PDE10A: variants seen among roughly 807,000 people sequenced by gnomAD.
PDE10A encodes cAMP and cAMP-inhibited cGMP 3',5'-cyclic phosphodiesterase 10A.
PDE10A carries 39 observed loss-of-function variants against 97.7 expected under a neutral mutation model. That is an observed-to-expected ratio of 0.40 (90% CI 0.31 to 0.52). The LOEUF (loss-of-function observed/expected upper bound fraction) is 0.52. PDE10A is among the 20% of genes least tolerant of loss of function. PDE10A has a pLI of 0.56. For missense variants in PDE10A, 731 were observed against 1,047.8 expected, an observed-to-expected ratio of 0.70 and a Z score of 4.17; for synonymous variants, 371 against 376.8, an observed-to-expected ratio of 0.98 and a Z score of 0.18.
chr6:165,504,665 T>C (rs955539220), intron 2 of PDE10A, among the ~76,000 whole-genome samples: 13 of 152,254 alleles, frequency 8.5e-5, no homozygotes, highest in South Asian at 4.1e-4. Flanking sequence ...CCAAGTAAGA[T>C]TCATAAAATC....
chr6:165,416,266 T>C lies in PDE10A; in HGVS notation c.1812A>G (p.Lys604=), dbSNP rs138974958. The change falls in exon 12 of 22, where the codon AAA becomes AAG. Residue 604 remains lysine (K), a synonymous_variant. Transcript: ENST00000539869. Reference sequence around the variant, plus strand: ...TTCTTGCTACTTGGCCAGCAATTCCTTTCTCAATTGAAAATCTGCATATGT... The same window carrying C: ...TTCTTGCTACTTGGCCAGCAATTCCCTTCTCAATTGAAAATCTGCATATGT... ...KTKEIRFSIE[K]GIAGQVARTG... 43 of 1,611,398 alleles carry C rather than the reference T, an allele frequency of 2.7e-5. No individual in the cohort carries two copies. In the African/African-American group the frequency reaches 5.3e-4, roughly 20 times the overall value.
At chr6:165,891,264 G>A (rs1035825696) in intron 1 of PDE10A, among the ~76,000 whole-genome samples, 2 of 152,154 alleles carry the variant, frequency 1.3e-5, no homozygotes, top group African/African-American at 4.8e-5. Context: ...GGATTTGCTG[G>A]CTCATGTAAT....
At chr6:165,350,838 C>T (rs1382272464) in intron 18 of PDE10A, among the ~76,000 whole-genome samples, 1 of 152,142 alleles carries the variant, frequency 6.6e-6, no homozygotes, top group African/African-American at 2.4e-5. Context: ...CCTCCTACTG[C>T]CATGTGAAGA....
intron 1 of PDE10A, among the ~76,000 whole-genome samples, chr6:165,546,865 G>A (rs966343752): frequency 8.5e-5 from 13 of 152,080 alleles, no homozygotes; most frequent in Admixed American, 6.6e-4. Context: ...GGTAGATAAC[G>A]TATATCTCAT....
At chr6:165,462,799 G>A (rs1054203203) in intron 3 of PDE10A, among the ~76,000 whole-genome samples, 1 of 152,174 alleles carries the variant, frequency 6.6e-6, no homozygotes, top group African/African-American at 2.4e-5. Context: ...TTCAGCAAGG[G>A]CTGACACAGA....
chr6:165,640,109 T>A (rs536811010), intron 1 of PDE10A, among the ~76,000 whole-genome samples: 1 of 151,930 alleles, frequency 6.6e-6, no homozygotes, highest in East Asian at 1.9e-4. Flanking sequence ...TTGAATCGAC[T>A]AAAGGTCTTT....
chr6:165,701,361 CTGTT>C lies in PDE10A; in HGVS notation c.-614-157797_-614-157794del, dbSNP rs1195341667. On this transcript the variant is annotated intron_variant, in intron 1 of 19. Transcript: ENST00000366882. ...CCAATGACACAATTTGCCACTGTCACTGTTCTTTATGATTTTTCAAGAGAATGCT... is the reference window on the plus strand; with the variant it reads ...CCAATGACACAATTTGCCACTGTCACCTTTATGATTTTTCAAGAGAATGCT... Among the ~76,000 whole-genome samples, 545 of 152,318 alleles carry C rather than the reference CTGTT, an allele frequency of 3.6e-3. 2 individuals carry two copies. Among genetic ancestry groups the C allele is most frequent in the African/African-American group, 0.012 (505 of 41,570 alleles).
intron 2 of PDE10A, among the ~76,000 whole-genome samples, chr6:165,536,124 G>C (rs1356743017): frequency 6.6e-6 from 1 of 151,958 alleles, no homozygotes; most frequent in Admixed American, 6.6e-5. Flanking sequence ...CAGACATATA[G>C]ACCAAGAGAA....
At chr6:165,421,682 A>T (rs1385178791) in intron 10 of PDE10A, among the ~76,000 whole-genome samples, 1 of 152,178 alleles carries the variant, frequency 6.6e-6, no homozygotes. Context: ...AGGTATACAT[A>T]TTTGAAGAGA....
chr6:165,956,128 A>G (rs892190301), intron 1 of PDE10A, among the ~76,000 whole-genome samples: 4 of 152,248 alleles, frequency 2.6e-5, no homozygotes, highest in Non-Finnish European at 5.9e-5. Context: ...AGTGCATTGT[A>G]TGAATTAGTA....
At chr6:165,619,071 AGTGT>A (rs1787878157) in intron 1 of PDE10A, among the ~76,000 whole-genome samples, 1 of 104,784 alleles carries the variant, frequency 9.5e-6, no homozygotes, top group Non-Finnish European at 1.9e-5. Context: ...AGTGTAGTGT[AGTGT>A]AGTCTAGTGT....
Position 165,418,984 on chromosome 6 carries a change from C to T in PDE10A, c.1654-207G>A, listed in dbSNP as rs2128230713. ...TGTTACATGCTAATACTAACAGATCCCAACAGAATACACAGCGGATATGCA... is the reference window on the plus strand; with the variant it reads ...TGTTACATGCTAATACTAACAGATCTCAACAGAATACACAGCGGATATGCA... On this transcript the variant is annotated intron_variant, in intron 10 of 21. Transcript: ENST00000539869. This position sits in a 1 kb window ranked among gnomAD's most constrained non-coding sequence, Gnocchi z 4.8. 6.6e-6 allele frequency among the ~76,000 whole-genome samples: 1 copy of T among 152,210 alleles called. No homozygotes were observed. The highest frequency in any genetic ancestry group is 2.1e-4 in the South Asian group (1 of 4,806).
chr6:165,832,071 A>G (rs1246370224), intron 1 of PDE10A, among the ~76,000 whole-genome samples: 2 of 152,258 alleles, frequency 1.3e-5, no homozygotes, highest in African/African-American at 4.8e-5. Flanking sequence ...TGGAAGTTAC[A>G]AAAGTGAATG....
At chr6:165,748,190 C>T (rs746436816) in intron 1 of PDE10A, among the ~76,000 whole-genome samples, 36 of 152,192 alleles carry the variant, frequency 2.4e-4, no homozygotes, top group Non-Finnish European at 3.7e-4. Context: ...TTCTTAAATA[C>T]GAATGTTTTG....
chr6:165,764,452 T>C (rs1218953383), intron 1 of PDE10A, among the ~76,000 whole-genome samples: 2 of 152,094 alleles, frequency 1.3e-5, no homozygotes, highest in African/African-American at 4.8e-5. Flanking sequence ...AATTGGTGGG[T>C]TCTTGGTCTC....
chr6:165,669,282 G>A (rs1250637645), intron 1 of PDE10A, among the ~76,000 whole-genome samples: 2 of 152,172 alleles, frequency 1.3e-5, no homozygotes, highest in Non-Finnish European at 1.5e-5. Context: ...CTCTCAGACT[G>A]GGAGTTAAAG....
rs117365023 is a variant in PDE10A, at chr6:165,612,550, A to G, written c.865+49397T>C. Among the ~76,000 whole-genome samples, 197 of 152,166 alleles carry G rather than the reference A, an allele frequency of 1.3e-3. 4 individuals are homozygous for G. The East Asian group carries it at 0.034, about 26-fold the overall frequency. On this transcript the variant is annotated intron_variant, in intron 1 of 21. Transcript: ENST00000539869. ...TGTCCGGCTAATTTTTGTATTTTCCAGTAGAGACGGGTTTTTGCCATGTTG... is the reference window on the plus strand; with the variant it reads ...TGTCCGGCTAATTTTTGTATTTTCCGGTAGAGACGGGTTTTTGCCATGTTG...
chr6:165,514,049 T>A (rs77350958), intron 2 of PDE10A, among the ~76,000 whole-genome samples: 10 of 152,192 alleles, frequency 6.6e-5, no homozygotes, highest in African/African-American at 1.9e-4. Context: ...ACTTTTCTCA[T>A]GAAATTTTAT....
chr6:165,650,049 G>A (rs1046322400), intron 1 of PDE10A, among the ~76,000 whole-genome samples: 1 of 152,080 alleles, frequency 6.6e-6, no homozygotes, highest in Non-Finnish European at 1.5e-5. Context: ...AATATTCATC[G>A]TTTGACATTT....
Sources: gnomAD v4.1 joint callset for allele counts (sites outside exome capture counted in the v4.1 genomes callset) on GRCh38, gnomAD v4.1.1 for gene constraint, Gnocchi (gnomAD v3.1) non-coding constraint, MANE v1.5 for transcripts, NCBI Gene and HGNC (gene_info 2026-07-23, HGNC 2026-07-21) for gene names.